Variants in DMD observed in about 807,000 individuals in gnomAD.
The protein encoded by DMD is dystrophin.
In DMD, 63 loss-of-function variants were observed where a neutral mutation model predicts 330.1. The ratio of observed to expected loss-of-function variants is 0.19; its 90% CI spans 0.16 to 0.24. The LOEUF (loss-of-function observed/expected upper bound fraction) is 0.24, where lower values mean the gene tolerates loss of function less well. Ranked by LOEUF, DMD falls within the 10% of genes least tolerant of loss-of-function variation. The pLI, the probability that DMD is intolerant of heterozygous loss-of-function variation, is 1.00. For missense variants in DMD, 3,344 were observed against 2,684.1 expected, an observed-to-expected ratio of 1.25 and a Z score of -5.43; for synonymous variants, 1,223 against 959.8, an observed-to-expected ratio of 1.27 and a Z score of -5.07.
intron 47 of DMD, among the ~76,000 whole-genome samples, chrX:31,885,382 G>C (rs942747664): frequency 9.1e-6 from 1 of 110,322 alleles, no homozygotes; most frequent in Non-Finnish European, 1.9e-5. Context: ...AGGCCGAGGC[G>C]GGCGGATCAT....
intron 2 of DMD, among the ~76,000 whole-genome samples, chrX:32,896,275 AG>A (rs1184941288): frequency 9.0e-6 from 1 of 111,676 alleles, no homozygotes; most frequent in African/African-American, 3.3e-5. Flanking sequence ...GTATAATAGG[AG>A]GCAGGTTTTA....
chrX:32,303,741 G>C (rs947734098), intron 42 of DMD, among the ~76,000 whole-genome samples: 1 of 109,984 alleles, frequency 9.1e-6, no homozygotes, highest in Non-Finnish European at 1.9e-5. Flanking sequence ...AGAAATAAGA[G>C]AACCAAAGAC....
chrX:31,427,999 G>C lies in DMD; in HGVS notation c.9084+16482C>G, dbSNP rs756231920. On this transcript the variant is annotated intron_variant, in intron 60 of 78. Transcript: ENST00000357033. The stretch of plus-strand genomic sequence containing the variant: ...AGAATACTGTGGTGTCTGCTACTTA[G>C]ATTTATCTTCTGGTTCAGTCATATC... Among the ~76,000 whole-genome samples, 12 of 112,335 alleles carry C rather than the reference G, an allele frequency of 1.1e-4. No individual in the cohort carries two copies. In the East Asian group the frequency reaches 3.1e-3, roughly 29 times the overall value.
intron 1 of DMD, among the ~76,000 whole-genome samples, chrX:33,222,807 GA>G (rs1356540132): frequency 9.0e-6 from 1 of 111,547 alleles, no homozygotes; most frequent in African/African-American, 3.3e-5. Context: ...TCTATATGAG[GA>G]AAACTGCAAC....
intron 29 of DMD, among the ~76,000 whole-genome samples, chrX:32,428,096 T>C (rs1847257040): frequency 9.0e-6 from 1 of 111,548 alleles, no homozygotes; most frequent in African/African-American, 3.3e-5. Context: ...TCTCTTTCCA[T>C]TTACTTTCTC....
chrX:32,740,325 C>A (rs2069086782), intron 7 of DMD, among the ~76,000 whole-genome samples: 1 of 109,655 alleles, frequency 9.1e-6, no homozygotes, highest in Non-Finnish European at 1.9e-5. Flanking sequence ...TGTAGTGTAT[C>A]CTGATTTATA....
intron 2 of DMD, among the ~76,000 whole-genome samples, chrX:32,913,131 G>A (rs1286613126): frequency 9.0e-6 from 1 of 111,469 alleles, no homozygotes; most frequent in Admixed American, 9.5e-5. Flanking sequence ...GGAGGAGATG[G>A]GATAGCTTAT....
At chrX:32,098,254 T>C (rs902821086) in intron 44 of DMD, among the ~76,000 whole-genome samples, 2 of 111,645 alleles carry the variant, frequency 1.8e-5, no homozygotes, top group Non-Finnish European at 3.8e-5. Flanking sequence ...AATAAAGATC[T>C]ATAGTACCAT....
chrX:31,417,119 G>A (rs181090859), intron 60 of DMD, among the ~76,000 whole-genome samples: 84 of 111,347 alleles, frequency 7.5e-4, no homozygotes, highest in African/African-American at 2.6e-3. Context: ...GTTCTTCTTC[G>A]GGGCTCTTTC....
At chrX:32,957,558 A>T (rs2091663580) in intron 2 of DMD, among the ~76,000 whole-genome samples, 1 of 112,036 alleles carries the variant, frequency 8.9e-6, no homozygotes, top group East Asian at 2.8e-4. Flanking sequence ...TCTAGAAACA[A>T]CTAGGCCAAA....
rs185246860 is a variant in DMD, at chrX:32,331,796, T to C, written c.5922+10304A>G. Among the ~76,000 whole-genome samples the C allele has an allele frequency of 4.5e-5, 5 of 111,918 alleles. No individual in the cohort carries two copies. The East Asian group carries it at 1.1e-3, about 25-fold the overall frequency. On this transcript the variant is annotated intron_variant, in intron 41 of 78. Coordinates refer to ENST00000357033, the MANE Select transcript of DMD (RefSeq NM_004006.3). ...ACTTGAAGCCAGTCATTTGAGACAA[T>C]ATTCAAGAGGTAATATGTTGTATAA...
At chrX:32,773,570 AC>A (rs1257778799) in intron 7 of DMD, among the ~76,000 whole-genome samples, 3 of 101,248 alleles carry the variant, frequency 3.0e-5, no homozygotes, top group African/African-American at 1.1e-4. Context: ...TGTCCTCCCC[AC>A]TTACCCTTCT....
intron 2 of DMD, among the ~76,000 whole-genome samples, chrX:32,859,422 C>T (rs1036343733): frequency 2.3e-4 from 24 of 103,947 alleles, no homozygotes; most frequent in African/African-American, 7.3e-4. Context: ...GAGCCGAGAT[C>T]GTGCCACTGC....
intron 60 of DMD, among the ~76,000 whole-genome samples, chrX:31,385,892 T>C (rs953289245): frequency 8.9e-6 from 1 of 112,153 alleles, no homozygotes. Flanking sequence ...ACCCAAAGGA[T>C]TATAAATCAT....
chrX:31,870,717 T>C (rs1053022718), intron 48 of DMD, among the ~76,000 whole-genome samples: 3 of 111,985 alleles, frequency 2.7e-5, no homozygotes, highest in African/African-American at 6.5e-5. Flanking sequence ...TGGTAGTTTT[T>C]AGTGTGGATT....
chrX:33,003,071 A>G (rs1392699125), intron 2 of DMD, among the ~76,000 whole-genome samples: 1 of 108,957 alleles, frequency 9.2e-6, no homozygotes, highest in Admixed American at 9.9e-5. Context: ...GTGATTTCCG[A>G]GATTTTGGTG....
chrX:32,566,259 G>A (rs1022874340), intron 15 of DMD, among the ~76,000 whole-genome samples: 1 of 111,895 alleles, frequency 8.9e-6, no homozygotes, highest in Non-Finnish European at 1.9e-5. Flanking sequence ...ATTCCTGACG[G>A]AATTCAAACG....
intron 44 of DMD, among the ~76,000 whole-genome samples, chrX:32,214,538 A>G (rs1244351128): frequency 1.8e-5 from 2 of 111,809 alleles, no homozygotes; most frequent in Non-Finnish European, 3.8e-5. Flanking sequence ...AAAGGAAACA[A>G]TCACCAGAGC....
At chrX:32,094,834 C>A (rs751527157) in intron 44 of DMD, among the ~76,000 whole-genome samples, 18 of 111,763 alleles carry the variant, frequency 1.6e-4, no homozygotes, top group Non-Finnish European at 2.8e-4. Flanking sequence ...TGCTTAGTGG[C>A]TTGTGGCAGT....
Sources: gnomAD v4.1 joint callset for allele counts (sites outside exome capture counted in the v4.1 genomes callset) on GRCh38, gnomAD v4.1.1 for gene constraint, MANE v1.5 for transcripts, NCBI Gene and HGNC (gene_info 2026-07-23, HGNC 2026-07-21) for gene names.